Variants in MGAM observed in about 807,000 individuals in gnomAD.
The protein encoded by MGAM is alpha-1,4-glucosidase.
Under a neutral mutation model 358.8 loss-of-function variants are expected in MGAM, and 253 were observed. The observed-to-expected ratio is 0.71, with a 90% CI of 0.64 to 0.78. MGAM has a LOEUF of 0.78. MGAM is among the 30% of genes least tolerant of loss of function. The pLI, the probability that MGAM is intolerant of heterozygous loss-of-function variation, is 0.00. For synonymous variants in MGAM, 1,105 were observed against 1,227.1 expected, an observed-to-expected ratio of 0.90 and a Z score of 2.08; for missense variants, 3,080 against 3,432.6, an observed-to-expected ratio of 0.90 and a Z score of 2.57.
In MGAM at chr7:142,066,634, C is replaced by G. The variant is rs1258688888; in HGVS notation, c.4832C>G (p.Thr1611Ser). Residue 1611 changes from threonine to serine, a missense_variant, in exon 41 of 71, where the codon ACC becomes AGC. Transcript: ENST00000475668. Reference sequence around the variant, plus strand: ...AATATTTCCAGAAATGTCCTGCAGACCAGATACACCCTGTTGCCATATCTG... The same window carrying G: ...AATATTTCCAGAAATGTCCTGCAGAGCAGATACACCCTGTTGCCATATCTG... ...FVNISRNVLQ[T>S]RYTLLPYLYT... 10 of 1,555,720 alleles carry G rather than the reference C, an allele frequency of 6.4e-6. 2 individuals are homozygous for G. Among genetic ancestry groups the G allele is most frequent in the Non-Finnish European group, 8.8e-6 (10 of 1,132,364 alleles).
intron 49 of MGAM, among the ~76,000 whole-genome samples, chr7:142,079,339 T>C (rs910451809): frequency 2.1e-5 from 3 of 145,288 alleles, no homozygotes; most frequent in Non-Finnish European, 4.7e-5. Flanking sequence ...GTGCACCTAG[T>C]TGAGATTCAG....
chr7:142,084,504 C>A lies in MGAM; in HGVS notation c.6382-15C>A. On this transcript the variant is annotated splice_polypyrimidine_tract_variant and intron_variant, in intron 53 of 70. Coordinates refer to ENST00000475668, the MANE Select transcript of MGAM (RefSeq NM_001365693.1). ...TCTCTGTTCTGAGGACTAATATTTT[C>A]TGTCTATTTTCTAGTTGATTGGCCG... 1.9e-6 allele frequency: 3 copies of A among 1,553,078 alleles called. 1 individual carries two copies. The highest frequency in any genetic ancestry group is 1.1e-5 in the South Asian group (1 of 89,072).
chr7:142,045,026 G>GTAATATATGATATATAATATGTATATTA (rs1809869218), intron 21 of MGAM, among the ~76,000 whole-genome samples: 1 of 56,318 alleles, frequency 1.8e-5, no homozygotes, highest in African/African-American at 5.0e-5. Context: ...TATGTATATT[G>GTAATATATGATATATAATATGTATATTA]TATACACGTG....
intron 53 of MGAM, among the ~76,000 whole-genome samples, chr7:142,084,201 G>T (rs1814566640): frequency 6.9e-6 from 1 of 145,958 alleles, no homozygotes; most frequent in Non-Finnish European, 1.6e-5. Context: ...TTTGCCTAAG[G>T]TCTCACAGCT....
chr7:142,050,319 GC>G (rs1348153903), intron 23 of MGAM, 35 bp downstream of exon 23: 1 of 1,597,600 alleles, frequency 6.3e-7, no homozygotes, highest in Non-Finnish European at 8.6e-7. Flanking sequence ...TTAGGTGTGG[GC>G]TTTGGACTGA....
intron 22 of MGAM, 41 bp from the exon 23 acceptor site, chr7:142,050,194 T>G: frequency 6.2e-7 from 1 of 1,602,446 alleles, no homozygotes; most frequent in Non-Finnish European, 8.6e-7. Context: ...TCTTCTGAGG[T>G]GGGCAGGCCA....
intron 66 of MGAM, among the ~76,000 whole-genome samples, chr7:142,097,965 G>T (rs1430103359): frequency 6.6e-6 from 1 of 152,200 alleles, no homozygotes; most frequent in Non-Finnish European, 1.5e-5. Flanking sequence ...ATGCTTTTGA[G>T]ATTGTGTTGC....
intron 1 of MGAM, among the ~76,000 whole-genome samples, chr7:142,001,856 T>C (rs761208517): frequency 1.7e-4 from 26 of 152,228 alleles, no homozygotes; most frequent in African/African-American, 6.3e-4. Context: ...GTCTTCTCTT[T>C]GGTAAATAAT....
chr7:142,040,291 C>A, intron 20 of MGAM, 120 bp downstream of exon 20: 1 of 802,088 alleles, frequency 1.2e-6, no homozygotes. Context: ...TTAGTGTTTT[C>A]TGTAATTTCA....
In MGAM at chr7:142,027,650, G is replaced by T; in HGVS notation, c.1136G>T (p.Gly379Val). The part of the protein sequence containing the change: ...RPALPSYWAL[G>V]FHLSRYEYGT... ...GCCCTTCCCTCCTACTGGGCGCTTG[G>T]ATTTCACCTCAGTCGTTACGAATAT... Residue 379 changes from glycine (G) to valine (V), a missense_variant, in exon 10 of 71, where the codon GGA (glycine) becomes GTA (valine). Physicochemically the swap from Gly to Val is moderately radical, Grantham distance 109. Transcript: ENST00000475668. The T allele has an allele frequency of 6.2e-7, 1 of 1,613,766 alleles. No homozygotes were observed. Among genetic ancestry groups the T allele is most frequent in the Non-Finnish European group, 8.5e-7 (1 of 1,179,750 alleles).
intron 66 of MGAM, among the ~76,000 whole-genome samples, chr7:142,098,277 C>T (rs906769344): frequency 1.3e-5 from 2 of 152,108 alleles, no homozygotes; most frequent in African/African-American, 4.8e-5. Context: ...AAAGACTTAT[C>T]TGGGAAGCCA....
chr7:142,053,126 T>C lies in MGAM; in HGVS notation c.3159+142T>C, dbSNP rs561197895. 6 of 998,934 alleles carry C rather than the reference T, an allele frequency of 6.0e-6. 1 individual carries two copies. In the African/African-American group the frequency reaches 9.8e-5, roughly 16 times the overall value. The allele number at this position is 998,934 out of a possible 1,614,324, so 61.9% of individuals were successfully genotyped here. On this transcript the variant is annotated intron_variant, in intron 26 of 70. Coordinates refer to ENST00000475668, the MANE Select transcript of MGAM (RefSeq NM_001365693.1). ...TTATCCAGAGAGCATTGAGAAATCA[T>C]TGAGGGAACAATGAGACCTGCCCTA...
intron 21 of MGAM, among the ~76,000 whole-genome samples, chr7:142,044,996 G>C (rs1489560376): frequency 1.1e-5 from 1 of 92,542 alleles, no homozygotes; most frequent in Non-Finnish European, 2.0e-5. Context: ...TTATATACAC[G>C]TGTAATATAT....
Position 142,024,675 on chromosome 7 carries a change from A to G in MGAM, c.883-375A>G, listed in dbSNP as rs114293777. 9.0e-3 allele frequency among the ~76,000 whole-genome samples: 1,376 copies of G among 152,248 alleles called. 21 individuals are homozygous for G. Among genetic ancestry groups the G allele is most frequent in the African/African-American group, 0.032 (1,316 of 41,518 alleles). ...GCCTAGACTAGAGCTCCATCTAGTT[A>G]CCTGATTCATATTAAAGCATATTGA... On this transcript the variant is annotated intron_variant, in intron 7 of 70. Coordinates refer to ENST00000475668, the MANE Select transcript of MGAM (RefSeq NM_001365693.1).
At chr7:142,095,981 T>C (rs1815870988) in intron 64 of MGAM, 3 of 618,790 alleles carry the variant, frequency 4.8e-6, no homozygotes, top group Non-Finnish European at 8.3e-6. Flanking sequence ...GGCCTATCTA[T>C]CTTTTGTAGC....
chr7:142,008,320 G>A (rs539899713), intron 2 of MGAM, among the ~76,000 whole-genome samples, 186 bp from the exon 3 acceptor site: 3 of 152,266 alleles, frequency 2.0e-5, no homozygotes, highest in African/African-American at 7.2e-5. Flanking sequence ...AGATGATATA[G>A]AGATACACAA....
chr7:142,040,643 G>GT lies in MGAM; in HGVS notation c.2374-78dup, dbSNP rs977067251. On this transcript the variant is annotated intron_variant, in intron 20 of 70. Coordinates refer to ENST00000475668, the MANE Select transcript of MGAM (RefSeq NM_001365693.1). ...CTAATTGGAAAAGGGAGAGAGCTGTGTATCACCAGGCATGTAGATAATCAG... is the reference window on the plus strand; with the variant it reads ...CTAATTGGAAAAGGGAGAGAGCTGTGTTATCACCAGGCATGTAGATAATCAG... The GT allele has an allele frequency of 3.9e-4, 601 of 1,524,830 alleles. 1 individual carries two copies. In the Middle Eastern group the frequency reaches 0.011, roughly 27 times the overall value. 94.5% of individuals were successfully genotyped at this position (1,524,830 alleles called of 1,614,324 possible).
intron 34 of MGAM, among the ~76,000 whole-genome samples, chr7:142,060,875 C>T (rs959536941): frequency 3.3e-5 from 5 of 152,080 alleles, no homozygotes; most frequent in African/African-American, 4.8e-5. Context: ...AGTCCTGCCC[C>T]GAGCCCCACC....
Position 142,055,578 on chromosome 7 carries a change from G to T in MGAM, c.3335G>T (p.Gly1112Val). Residue 1112 changes from glycine (G) to valine (V), a missense_variant, in exon 28 of 71, where the codon GGC becomes GTC. By Grantham distance (109) the Gly-to-Val change is moderately radical. Transcript: ENST00000475668. Reference protein sequence around the residue: ...GTIIWDSQLLGFTFSDMFIRI... With the variant: ...GTIIWDSQLLVFTFSDMFIRI... ...TTCAGTTGGGACTCTCAGCTCCTTGGCTTTACCTTCAGTGACATGTTTATC... is the reference window on the plus strand; with the variant it reads ...TTCAGTTGGGACTCTCAGCTCCTTGTCTTTACCTTCAGTGACATGTTTATC... 6.2e-7 allele frequency: 1 copy of T among 1,613,848 alleles called. No individual in the cohort carries two copies. Among genetic ancestry groups the T allele is most frequent in the Non-Finnish European group, 8.5e-7 (1 of 1,179,844 alleles).
Sources: gnomAD v4.1 joint callset for allele counts (sites outside exome capture counted in the v4.1 genomes callset) on GRCh38, gnomAD v4.1.1 for gene constraint, MANE v1.5 for transcripts, NCBI Gene and HGNC (gene_info 2026-07-23, HGNC 2026-07-21) for gene names.